Variants in TSC22D2 observed in about 807,000 individuals in gnomAD.
TSC22D2 encodes TSC22 domain family protein 2.
In TSC22D2, 5 loss-of-function variants were observed where a neutral mutation model predicts 50.1. That is an observed-to-expected ratio of 0.10 (90% CI 0.05 to 0.21). The LOEUF (loss-of-function observed/expected upper bound fraction) is 0.21, where lower values mean the gene tolerates loss of function less well. TSC22D2 is among the 10% of genes least tolerant of loss of function. TSC22D2 has a pLI of 1.00. For synonymous variants in TSC22D2, 501 were observed against 450.1 expected, an observed-to-expected ratio of 1.11 and a Z score of -1.43; for missense variants, 1,003 against 1,015.5, an observed-to-expected ratio of 0.99 and a Z score of 0.17.
At chr3:150,432,120 GC>G (rs1401493639) in intron 1 of TSC22D2, among the ~76,000 whole-genome samples, 3 of 152,064 alleles carry the variant, frequency 2.0e-5, no homozygotes, top group Non-Finnish European at 4.4e-5. Flanking sequence ...CTTTTCTATG[GC>G]TAGCTGAAGT....
At position 150,461,514 on chromosome 3, in the gene TSC22D2, T is replaced by C. The variant is rs1280497773; in HGVS notation, c.*2878T>C. On this transcript the variant is annotated 3_prime_UTR_variant, in exon 3 of 3. Coordinates refer to ENST00000688009, the MANE Select transcript of TSC22D2 (RefSeq NM_001303264.2). ...AGCCGGTAAATCATAAGTAGAAATT[T>C]TTCTGATACGGTAATTGTCTACAAT... is the stretch of plus-strand genomic sequence containing the variant. 1.3e-5 allele frequency: 2 copies of C among 152,192 alleles called. No individual in the cohort carries two copies. The highest frequency in any genetic ancestry group is 4.8e-5 in the African/African-American group (2 of 41,440). The allele number at this position is 152,192 out of a possible 1,614,324, so 9.4% of individuals were successfully genotyped here.
intron 1 of TSC22D2, among the ~76,000 whole-genome samples, chr3:150,452,812 C>G (rs1316149567): frequency 6.6e-6 from 1 of 152,166 alleles, no homozygotes; most frequent in Non-Finnish European, 1.5e-5. Flanking sequence ...CTTTCCACAG[C>G]TCTATATTTC....
intron 1 of TSC22D2, among the ~76,000 whole-genome samples, chr3:150,417,536 G>A (rs1159184937): frequency 1.3e-5 from 2 of 152,000 alleles, no homozygotes; most frequent in South Asian, 2.1e-4. Flanking sequence ...AGACATACCC[G>A]GGCTAAAATC....
chr3:150,446,324 G>C (rs575191730), intron 1 of TSC22D2, among the ~76,000 whole-genome samples: 40 of 152,206 alleles, frequency 2.6e-4, no homozygotes, highest in African/African-American at 9.4e-4. Context: ...CCTGTATTTA[G>C]AGTGTTGCCT....
chr3:150,446,547 T>G (rs12638309), intron 1 of TSC22D2, among the ~76,000 whole-genome samples: 63,495 of 152,068 alleles, frequency 0.42, 13,309 homozygotes, highest in Middle Eastern at 0.56. Flanking sequence ...CAAGCCACTA[T>G]AATTTTAAAA....
In TSC22D2 at chr3:150,463,639, T is replaced by C. The variant is rs1032617015; in HGVS notation, c.*5003T>C. ...TACTGTAACTATATCTTTTGTGGAG[T>C]ACAATTGGTATGACATGCTGTGTTC... On this transcript the variant is annotated 3_prime_UTR_variant, in exon 3 of 3. Transcript: ENST00000688009. 2 of 152,084 alleles carry C rather than the reference T, an allele frequency of 1.3e-5. No homozygotes were observed. The highest frequency in any genetic ancestry group is 4.8e-5 in the African/African-American group (2 of 41,390). 9.4% of individuals were successfully genotyped at this position (152,084 alleles called of 1,614,324 possible).
At position 150,410,256 on chromosome 3, in the gene TSC22D2, G is replaced by A. The variant is rs1057271071; in HGVS notation, c.906G>A (p.Pro302=). ...CGTTCCCGGGAGCCGCGACCGGGCCGCAGCCAATGATGGCAGCCGCGCAGC... is the reference window on the plus strand; with the variant it reads ...CGTTCCCGGGAGCCGCGACCGGGCCACAGCCAATGATGGCAGCCGCGCAGC... ...LPPFPGAATG[P]QPMMAAAQPS... Residue 302 remains proline (P), a synonymous_variant, in exon 1 of 3, where the codon CCG becomes CCA. Transcript: ENST00000688009. 5.1e-6 allele frequency: 8 copies of A among 1,557,772 alleles called. No individual in the cohort carries two copies. Among genetic ancestry groups the A allele is most frequent in the Non-Finnish European group, 6.1e-6 (7 of 1,152,114 alleles).
At chr3:150,424,376 C>CT in intron 1 of TSC22D2, among the ~76,000 whole-genome samples, 1 of 152,158 alleles carries the variant, frequency 6.6e-6, no homozygotes, top group African/African-American at 2.4e-5. Flanking sequence ...AAATAGCACT[C>CT]TGTTTAGAAA....
chr3:150,424,358 A>C (rs1720104963), intron 1 of TSC22D2, among the ~76,000 whole-genome samples: 1 of 152,176 alleles, frequency 6.6e-6, no homozygotes, highest in East Asian at 1.9e-4. Context: ...TTCTCTTAGA[A>C]AAAGGAAAAA....
In TSC22D2 at chr3:150,437,629, G is replaced by A. The variant is rs572978579; in HGVS notation, c.1959-19447G>A. Among the ~76,000 whole-genome samples the A allele has an allele frequency of 1.1e-4, 16 of 150,036 alleles. No homozygotes were observed. The East Asian group carries it at 2.8e-3, about 26-fold the overall frequency. ...ATCCTGGCTAACACAGTGAAACCCC[G>A]TCTCTACTAAAAATACAAAAAAAAA... On this transcript the variant is annotated intron_variant, in intron 1 of 2. Coordinates refer to ENST00000688009, the MANE Select transcript of TSC22D2 (RefSeq NM_001303264.2).
chr3:150,449,300 C>T (rs1328463811), intron 1 of TSC22D2, among the ~76,000 whole-genome samples: 2 of 152,106 alleles, frequency 1.3e-5, no homozygotes, highest in Admixed American at 6.6e-5. Flanking sequence ...AAGATAACTC[C>T]TTCATGAGTC....
intron 1 of TSC22D2, among the ~76,000 whole-genome samples, chr3:150,451,239 T>C (rs1721034500): frequency 6.6e-6 from 1 of 152,224 alleles, no homozygotes; most frequent in Non-Finnish European, 1.5e-5. Flanking sequence ...TTTATTTATT[T>C]ATTTTTTGCA....
At chr3:150,452,522 T>A (rs368656490) in intron 1 of TSC22D2, among the ~76,000 whole-genome samples, 4 of 152,158 alleles carry the variant, frequency 2.6e-5, no homozygotes, top group African/African-American at 9.7e-5. Context: ...GAGTTGGAAA[T>A]TCTTCATCCA....
intron 1 of TSC22D2, 88 bp from the exon 2 acceptor site, chr3:150,456,988 G>T: frequency 8.3e-7 from 1 of 1,205,556 alleles, no homozygotes; most frequent in Admixed American, 1.9e-5. Flanking sequence ...TTGGTTTTAA[G>T]TGAAACACAA....
At chr3:150,445,331 TAATAATA>T (rs1266464950) in intron 1 of TSC22D2, among the ~76,000 whole-genome samples, 2 of 144,108 alleles carry the variant, frequency 1.4e-5, no homozygotes, top group Non-Finnish European at 1.5e-5. Flanking sequence ...ATAATAATAA[TAATAATA>T]ATAATAATAA....
At chr3:150,457,413 C>A (rs1198970359) in intron 2 of TSC22D2, among the ~76,000 whole-genome samples, 1 of 152,076 alleles carries the variant, frequency 6.6e-6, no homozygotes, top group East Asian at 1.9e-4. Flanking sequence ...ATATGTTCCC[C>A]AGATATTTCA....
intron 1 of TSC22D2, among the ~76,000 whole-genome samples, chr3:150,444,850 A>AT (rs1214632553): frequency 3.3e-5 from 5 of 152,100 alleles, no homozygotes; most frequent in Non-Finnish European, 5.9e-5. Context: ...TAGTAGTGCT[A>AT]TTTTTTACTT....
rs1197908872 is a variant in TSC22D2 at position 150,428,614 on chromosome 3, C to G, written c.1958+17306C>G. Among the ~76,000 whole-genome samples, 7 of 116,260 alleles carry G rather than the reference C, an allele frequency of 6.0e-5. No homozygotes were observed. In the South Asian group the frequency reaches 1.8e-3, roughly 30 times the overall value. 76.3% of individuals were successfully genotyped at this position (116,260 alleles called of 152,430 possible). On this transcript the variant is annotated intron_variant, in intron 1 of 2. Coordinates refer to ENST00000688009, the MANE Select transcript of TSC22D2 (RefSeq NM_001303264.2). ...TATAGTAAAAAAAAAAAAAAACATA[C>G]TTAGATATGTGTGTTAATGGCATTT...
At chr3:150,452,551 A>G (rs1421806242) in intron 1 of TSC22D2, among the ~76,000 whole-genome samples, 1 of 152,182 alleles carries the variant, frequency 6.6e-6, no homozygotes, top group Non-Finnish European at 1.5e-5. Context: ...CTTTCTCAGT[A>G]ATGTTGCAAG....
Sources: allele counts gnomAD v4.1 joint callset (sites outside exome capture counted in the v4.1 genomes callset), GRCh38; gene constraint gnomAD v4.1.1; transcripts MANE v1.5; gene names NCBI Gene and HGNC (gene_info 2026-07-23, HGNC 2026-07-21).